DCAF8L2: variants seen among roughly 807,000 people sequenced by gnomAD.
The protein encoded by DCAF8L2 is DDB1 and CUL4 associated factor 8 like 2.
For synonymous variants in DCAF8L2, 200 were observed against 190.9 expected (o/e 1.05, Z -0.39); for missense variants, 430 against 490.7 (o/e 0.88, Z 1.17).
Position 27,747,324 on chromosome X carries a change from GGAGGAAGAA to G in DCAF8L2, c.432_440del (p.Glu145_Glu147del). 2.8e-6 allele frequency: 3 copies of G among 1,079,014 alleles called. No homozygotes were observed. The highest frequency in any genetic ancestry group is 4.3e-5 in the South Asian group (2 of 46,580). The allele number at this position is 1,079,014 out of a possible 1,213,427, so 88.9% of individuals were successfully genotyped here. ...AGGAGGAGGAGGAGGAGGAGGAGGAGGAGGAAGAAGAACAGCCTCGGGCGGGTCCACAAG... is the reference window on the plus strand; with the variant it reads ...AGGAGGAGGAGGAGGAGGAGGAGGAGGAACAGCCTCGGGCGGGTCCACAAG... On this transcript the variant is annotated inframe_deletion, in exon 5 of 5. Transcript: ENST00000451261.
At chrX:27,704,237 C>T (rs1286294866) in intron 3 of DCAF8L2, among the ~76,000 whole-genome samples, 2 of 86,590 alleles carry the variant, frequency 2.3e-5, no homozygotes, top group African/African-American at 1.0e-4. Context: ...CGTGTACACA[C>T]GTGCGCACAT....
At chrX:27,492,553 C>T in the DCAF8L2 span, among the ~76,000 whole-genome samples, 10 of 105,125 alleles carry the variant, frequency 9.5e-5, no homozygotes, top group Non-Finnish European at 1.6e-4. Flanking sequence ...GATCTCGGCT[C>T]ACTGCAACCT....
intron 4 of DCAF8L2, among the ~76,000 whole-genome samples, chrX:27,726,857 T>C (rs1334215781): frequency 8.9e-6 from 1 of 112,098 alleles, no homozygotes; most frequent in Non-Finnish European, 1.9e-5. Flanking sequence ...ATATCATGAA[T>C]AATGATTGTA....
chrX:27,589,512 C>T (rs539120649), upstream of DCAF8L2, among the ~76,000 whole-genome samples: 9,625 of 111,524 alleles, frequency 0.086, 805 homozygotes, highest in African/African-American at 0.27. Context: ...TTCATAGCTT[C>T]ATACCATCTT....
At chrX:27,603,787 G>A (rs1926755487) in intron 1 of DCAF8L2, among the ~76,000 whole-genome samples, 1 of 111,646 alleles carries the variant, frequency 9.0e-6, no homozygotes, top group African/African-American at 3.3e-5. Flanking sequence ...TGGGGACTTG[G>A]AAGGTTAGAT....
At chrX:27,652,416 A>G in intron 2 of DCAF8L2, among the ~76,000 whole-genome samples, 1 of 111,610 alleles carries the variant, frequency 9.0e-6, no homozygotes, top group East Asian at 2.8e-4. Context: ...GGACTCAGTT[A>G]CTCTTAACAG....
intron 1 of DCAF8L2, among the ~76,000 whole-genome samples, chrX:27,616,425 A>T (rs1480661834): frequency 9.0e-6 from 1 of 111,452 alleles, no homozygotes; most frequent in Admixed American, 9.6e-5. Flanking sequence ...TCTCTATGAG[A>T]ATTGGAATAA....
chrX:27,664,025 G>C (rs1260271941), intron 2 of DCAF8L2, among the ~76,000 whole-genome samples: 4 of 109,081 alleles, frequency 3.7e-5, no homozygotes, highest in Non-Finnish European at 7.6e-5. Context: ...TAGGCTAATT[G>C]ATAACCCTAC....
intron 4 of DCAF8L2, among the ~76,000 whole-genome samples, chrX:27,720,737 T>C (rs907456901): frequency 8.9e-6 from 1 of 111,913 alleles, no homozygotes; most frequent in Non-Finnish European, 1.9e-5. Context: ...CTCCATTAAA[T>C]CTATAGATCA....
the DCAF8L2 span, among the ~76,000 whole-genome samples, chrX:27,533,176 A>AG: frequency 1.1e-3 from 17 of 14,828 alleles, no homozygotes; most frequent in East Asian, 6.3e-3. Context: ...GAAAGAAAGA[A>AG]AGAAAGAAAG....
chrX:27,551,139 G>A, the DCAF8L2 span, among the ~76,000 whole-genome samples: 2 of 108,480 alleles, frequency 1.8e-5, no homozygotes, highest in Non-Finnish European at 3.8e-5. Flanking sequence ...GGGCATTCCT[G>A]TTCCCTGAAG....
intron 1 of DCAF8L2, among the ~76,000 whole-genome samples, chrX:27,615,024 A>T (rs1464076118): frequency 9.0e-6 from 1 of 111,520 alleles, no homozygotes; most frequent in Non-Finnish European, 1.9e-5. Flanking sequence ...AGTCTAAGTT[A>T]TAATGTAAGC....
chrX:27,731,415 A>G (rs1921201148), intron 4 of DCAF8L2, among the ~76,000 whole-genome samples: 1 of 110,913 alleles, frequency 9.0e-6, no homozygotes, highest in Non-Finnish European at 1.9e-5. Flanking sequence ...ACAAAAACAA[A>G]AAACAAACAA....
At chrX:27,684,063 A>G (rs1363314816) in intron 3 of DCAF8L2, among the ~76,000 whole-genome samples, 3 of 112,566 alleles carry the variant, frequency 2.7e-5, no homozygotes, top group Non-Finnish European at 5.6e-5. Flanking sequence ...CCTTTCATTG[A>G]ATACCTTTTT....
At chrX:27,516,454 TCACACACA>T in the DCAF8L2 span, among the ~76,000 whole-genome samples, 104 of 97,449 alleles carry the variant, frequency 1.1e-3, no homozygotes, top group African/African-American at 3.2e-3. Flanking sequence ...CATCTCTCTC[TCACACACA>T]CACACACACA....
At chrX:27,512,270 C>G in the DCAF8L2 span, among the ~76,000 whole-genome samples, 1 of 110,538 alleles carries the variant, frequency 9.0e-6, no homozygotes, top group Admixed American at 9.7e-5. Flanking sequence ...GATACTGTCA[C>G]AGAAAATAAA....
At chrX:27,615,969 G>A (rs1927455450) in intron 1 of DCAF8L2, among the ~76,000 whole-genome samples, 1 of 110,741 alleles carries the variant, frequency 9.0e-6, no homozygotes, top group African/African-American at 3.3e-5. Flanking sequence ...TAGATAGATG[G>A]AAGATATATT....
chrX:27,640,650 A>T (rs963444643), intron 2 of DCAF8L2, among the ~76,000 whole-genome samples: 8 of 111,886 alleles, frequency 7.2e-5, no homozygotes, highest in African/African-American at 2.6e-4. Flanking sequence ...TTCATAAAAA[A>T]CTACTAAAGT....
chrX:27,518,791 G>A, the DCAF8L2 span: 178 of 398,422 alleles, frequency 4.5e-4, 1 homozygote, highest in African/African-American at 4.2e-3. Flanking sequence ...AAATAAAAAG[G>A]GAACTGAATT....
Sources: gnomAD v4.1 joint callset for allele counts (sites outside exome capture counted in the v4.1 genomes callset) on GRCh38, gnomAD v4.1.1 for gene constraint, MANE v1.5 for transcripts, NCBI Gene and HGNC (gene_info 2026-07-23, HGNC 2026-07-21) for gene names.